Variants in STK32B observed in about 807,000 individuals in gnomAD.
STK32B encodes the protein serine/threonine kinase 32B.
Under a neutral mutation model 52.6 loss-of-function variants are expected in STK32B, and 43 were observed. The observed-to-expected ratio is 0.82, with a 90% CI of 0.64 to 1.05. The LOEUF (loss-of-function observed/expected upper bound fraction) is 1.05. Among genes scored for constraint, STK32B ranks in the 50% least tolerant of loss-of-function variants. The probability of loss-of-function intolerance (pLI) is 0.00; values close to 1 mark genes in which losing one functional copy is unlikely to be tolerated. For synonymous variants in STK32B, 238 were observed against 204.3 expected (o/e 1.17, Z -1.41); for missense variants, 621 against 534.6 (o/e 1.16, Z -1.59).
chr4:5,122,373 C>T (rs200547142), intron 1 of STK32B, among the ~76,000 whole-genome samples: 3 of 26,952 alleles, frequency 1.1e-4, no homozygotes, highest in Admixed American at 6.1e-4. Context: ...CACTCATTCA[C>T]TCATTCATTC....
rs189096529 is a variant in STK32B, at chr4:5,176,192, C to T, written c.260+7742C>T. The stretch of plus-strand genomic sequence containing the variant: ...GGGAGTGACCCGATTTTCCAGGTGC[C>T]GGCTGTTACCCCTTTCTTTGTCTGG... On this transcript the variant is annotated intron_variant, in intron 3 of 11. Coordinates refer to ENST00000282908, the MANE Select transcript of STK32B (RefSeq NM_018401.3). 2.6e-4 allele frequency among the ~76,000 whole-genome samples: 39 copies of T among 152,276 alleles called. No homozygotes were observed. In the East Asian group the frequency reaches 2.7e-3, roughly 11 times the overall value.
intron 3 of STK32B, among the ~76,000 whole-genome samples, chr4:5,245,801 G>C (rs996194841): frequency 6.6e-6 from 1 of 152,174 alleles, no homozygotes; most frequent in Non-Finnish European, 1.5e-5. Flanking sequence ...TTGCTTGTCT[G>C]TAAAGTATTT....
chr4:5,460,482 G>C lies in STK32B; in HGVS notation c.909+254G>C, dbSNP rs979774019. On this transcript the variant is annotated intron_variant, in intron 9 of 11. Coordinates refer to ENST00000282908, the MANE Select transcript of STK32B (RefSeq NM_018401.3). This position sits in a 1 kb window ranked among gnomAD's most constrained non-coding sequence, Gnocchi z 4.8. The stretch of plus-strand genomic sequence containing the variant: ...TCTCTGTCACTGAATCCCACCTCCA[G>C]GTGCTCAGGTCCAGGTGTGGGGATA... 1.3e-5 allele frequency among the ~76,000 whole-genome samples: 2 copies of C among 152,196 alleles called. No individual in the cohort carries two copies. Among genetic ancestry groups the C allele is most frequent in the African/African-American group, 4.8e-5 (2 of 41,448 alleles).
chr4:5,442,466 C>T (rs1577505870), intron 6 of STK32B, among the ~76,000 whole-genome samples: 1 of 150,896 alleles, frequency 6.6e-6, no homozygotes, highest in South Asian at 2.2e-4. Flanking sequence ...GGTAGATCTT[C>T]CTCCATCCTT....
chr4:5,170,754 G>A (rs1207635128), intron 3 of STK32B, among the ~76,000 whole-genome samples: 2 of 152,144 alleles, frequency 1.3e-5, no homozygotes, highest in African/African-American at 2.4e-5. Flanking sequence ...ATTGTGAATA[G>A]TGCCGCAGTA....
intron 8 of STK32B, among the ~76,000 whole-genome samples, chr4:5,458,215 G>A (rs1024501): frequency 0.56 from 84,582 of 151,908 alleles, 23,726 homozygotes; most frequent in Non-Finnish European, 0.58. Flanking sequence ...CGACATGGGC[G>A]GGAGATCTTG....
At chr4:5,068,929 C>T (rs1012772874) in intron 1 of STK32B, among the ~76,000 whole-genome samples, 23 of 152,112 alleles carry the variant, frequency 1.5e-4, no homozygotes, top group African/African-American at 5.3e-4. Flanking sequence ...GGCAAGAACA[C>T]GTAAGACCTA....
chr4:5,128,860 C>T (rs1398286835), intron 1 of STK32B, among the ~76,000 whole-genome samples: 1 of 152,194 alleles, frequency 6.6e-6, no homozygotes, highest in Non-Finnish European at 1.5e-5. Flanking sequence ...CTGCTCTAAT[C>T]AGAGCCATGA....
chr4:5,430,245 C>T (rs1165561046), intron 6 of STK32B, among the ~76,000 whole-genome samples: 1 of 152,184 alleles, frequency 6.6e-6, no homozygotes, highest in Non-Finnish European at 1.5e-5. Flanking sequence ...TATTTTCCCT[C>T]ACAATATTTA....
At position 5,329,342 on chromosome 4, in the gene STK32B, A is replaced by G. The variant is rs80252047; in HGVS notation, c.261-1878A>G. On this transcript the variant is annotated intron_variant, in intron 3 of 11. Transcript: ENST00000282908. ...ATCCATGTCACCATGGTGACTCCCAAAGGTGGCCCTCCGCTGTTTGTGCAG... is the reference window on the plus strand; with the variant it reads ...ATCCATGTCACCATGGTGACTCCCAGAGGTGGCCCTCCGCTGTTTGTGCAG... 9.2e-3 allele frequency among the ~76,000 whole-genome samples: 1,403 copies of G among 152,108 alleles called. 53 individuals are homozygous for G. The East Asian group carries it at 0.11, about 12-fold the overall frequency.
chr4:5,418,030 C>A (rs1158673009), intron 6 of STK32B, among the ~76,000 whole-genome samples: 1 of 152,236 alleles, frequency 6.6e-6, no homozygotes, highest in African/African-American at 2.4e-5. Flanking sequence ...ACTCTGCCTG[C>A]TTCACATTTC....
At chr4:5,169,359 T>G (rs1719151597) in intron 3 of STK32B, among the ~76,000 whole-genome samples, 1 of 152,148 alleles carries the variant, frequency 6.6e-6, no homozygotes, top group Admixed American at 6.5e-5. Context: ...CAGGCCGCTT[T>G]AGGAAACAAA....
chr4:5,494,704 T>C (rs527881276), intron 11 of STK32B, among the ~76,000 whole-genome samples: 6 of 152,366 alleles, frequency 3.9e-5, no homozygotes, highest in Non-Finnish European at 7.3e-5. Flanking sequence ...GATGTTGCAG[T>C]GGCTGCTACC....
At chr4:5,264,764 G>A (rs908912369) in intron 3 of STK32B, among the ~76,000 whole-genome samples, 54 of 151,846 alleles carry the variant, frequency 3.6e-4, no homozygotes, top group African/African-American at 1.3e-3. Context: ...TCCAGCCTGG[G>A]CAACAGAGCG....
chr4:5,480,732 C>T lies in STK32B; in HGVS notation c.1106+12662C>T, dbSNP rs1028304212. ...TATCTCCTAATGCTATCCCTCCCCCCTCCACCCACCCCACAACAGGCCCCA... is the reference window on the plus strand; with the variant it reads ...TATCTCCTAATGCTATCCCTCCCCCTTCCACCCACCCCACAACAGGCCCCA... On this transcript the variant is annotated intron_variant, in intron 11 of 11. Coordinates refer to ENST00000282908, the MANE Select transcript of STK32B (RefSeq NM_018401.3). 2.0e-5 allele frequency among the ~76,000 whole-genome samples: 3 copies of T among 152,014 alleles called. No homozygotes were observed. In the East Asian group the frequency reaches 5.8e-4, roughly 29 times the overall value.
chr4:5,378,458 C>A lies in STK32B; in HGVS notation c.435-19749C>A, dbSNP rs538186612. On this transcript the variant is annotated intron_variant, in intron 4 of 11. Transcript: ENST00000282908. This position sits in a 1 kb window ranked among gnomAD's most constrained non-coding sequence, Gnocchi z 4.4. ...TTTATGACGTGAGTTAAATCATTTA[C>A]AATTATCATGATTCCTGATACATTT... Among the ~76,000 whole-genome samples the A allele has an allele frequency of 8.5e-5, 13 of 152,162 alleles. No homozygotes were observed. Among genetic ancestry groups the A allele is most frequent in the Non-Finnish European group, 1.5e-5 (1 of 68,024 alleles).
intron 3 of STK32B, among the ~76,000 whole-genome samples, chr4:5,248,036 A>T (rs1019094510): frequency 5.9e-5 from 9 of 152,108 alleles, no homozygotes; most frequent in Non-Finnish European, 2.9e-5. Flanking sequence ...ACTCTTCATT[A>T]TTGGCAACCG....
chr4:5,294,945 C>T (rs1577305801), intron 3 of STK32B, among the ~76,000 whole-genome samples: 1 of 152,184 alleles, frequency 6.6e-6, no homozygotes, highest in South Asian at 2.1e-4. Flanking sequence ...GAGATAGGTT[C>T]CATCAATGCC....
intron 4 of STK32B, among the ~76,000 whole-genome samples, chr4:5,389,016 C>T (rs1390901991): frequency 6.6e-6 from 1 of 152,108 alleles, no homozygotes. Flanking sequence ...AATCAGCAAC[C>T]CCCAAGCATG....
Sources: allele counts gnomAD v4.1 joint callset (sites outside exome capture counted in the v4.1 genomes callset), GRCh38; gene constraint gnomAD v4.1.1; non-coding constraint Gnocchi (gnomAD v3.1); transcripts MANE v1.5; gene names NCBI Gene and HGNC (gene_info 2026-07-23, HGNC 2026-07-21).